The following RANBP17 variants were observed in gnomAD, a reference collection of about 807,000 sequenced individuals.
RANBP17 encodes the protein ran-binding protein 17.
In RANBP17, 158 loss-of-function variants were observed where a neutral mutation model predicts 141.2. The ratio of observed to expected loss-of-function variants is 1.12; its 90% CI spans 0.98 to 1.28. RANBP17 has a LOEUF of 1.28. Ranked by LOEUF, RANBP17 falls within the 50% of genes most tolerant of loss-of-function variation. The pLI is 0.00. For missense variants in RANBP17, 1,438 were observed against 1,290.7 expected (o/e 1.11, Z -1.75); for synonymous variants, 430 against 450.0 (o/e 0.96, Z 0.56).
intron 14 of RANBP17, among the ~76,000 whole-genome samples, chr5:171,007,671 CAA>C (rs1353086679): frequency 6.6e-6 from 1 of 151,998 alleles, no homozygotes; most frequent in Non-Finnish European, 1.5e-5. Flanking sequence ...CATTTTTCGA[CAA>C]AAATTATCTA....
intron 14 of RANBP17, among the ~76,000 whole-genome samples, chr5:171,079,612 A>G (rs755331898): frequency 2.0e-5 from 3 of 152,236 alleles, no homozygotes; most frequent in Non-Finnish European, 4.4e-5. Context: ...GTCAGAAGAC[A>G]CCAACATCGA....
chr5:171,009,590 CT>C lies in RANBP17; in HGVS notation c.1710+41215del, dbSNP rs771286189. On this transcript the variant is annotated intron_variant, in intron 14 of 27. Coordinates refer to ENST00000523189, the MANE Select transcript of RANBP17 (RefSeq NM_022897.5). ...AACTAGGTGATCTCCAAGTTCTTTT[CT>C]TATGATAAAATTTTCTACCTATAGG... Among the ~76,000 whole-genome samples, 13 of 152,202 alleles carry C rather than the reference CT, an allele frequency of 8.5e-5. 1 individual carries two copies. The highest frequency in any genetic ancestry group is 7.7e-4 in the East Asian group (4 of 5,180).
In RANBP17 at chr5:171,204,745, T is replaced by G. The variant is rs193072611; in HGVS notation, c.2143-779T>G. On this transcript the variant is annotated intron_variant, in intron 19 of 27. Transcript: ENST00000523189. ...CTTCTATTCAAGAGTCAAGTTTTTG[T>G]TTTTTTTCTCTAAAACTAAATACTT... 5.5e-3 allele frequency among the ~76,000 whole-genome samples: 838 copies of G among 152,066 alleles called. 13 individuals are homozygous for G. Among genetic ancestry groups the G allele is most frequent in the South Asian group, 0.039 (189 of 4,808 alleles).
At chr5:171,071,378 C>T (rs1397536750) in intron 14 of RANBP17, among the ~76,000 whole-genome samples, 1 of 151,792 alleles carries the variant, frequency 6.6e-6, no homozygotes, top group Non-Finnish European at 1.5e-5. Flanking sequence ...TGTGGAAAGG[C>T]AAGTGAACTA....
At chr5:171,200,401 A>C (rs1762232668) in intron 19 of RANBP17, among the ~76,000 whole-genome samples, 2 of 152,226 alleles carry the variant, frequency 1.3e-5, no homozygotes, top group African/African-American at 4.8e-5. Context: ...ATGTTTTATT[A>C]GTAAAATCCT....
intron 14 of RANBP17, among the ~76,000 whole-genome samples, chr5:171,099,387 G>T (rs1047782608): frequency 1.3e-5 from 2 of 152,108 alleles, no homozygotes; most frequent in Non-Finnish European, 2.9e-5. Flanking sequence ...TTGTGAATGG[G>T]AGTTTGCTCA....
intron 25 of RANBP17, among the ~76,000 whole-genome samples, chr5:171,291,084 C>T (rs946715772): frequency 1.3e-5 from 2 of 152,186 alleles, no homozygotes; most frequent in Non-Finnish European, 2.9e-5. Context: ...CTGGCTTTAC[C>T]ATACCACGTT....
chr5:170,984,221 T>C (rs1777961204), intron 14 of RANBP17, among the ~76,000 whole-genome samples: 1 of 152,158 alleles, frequency 6.6e-6, no homozygotes, highest in South Asian at 2.1e-4. Context: ...CTGACCAGTT[T>C]GTCATCCGGG....
chr5:171,050,875 A>C (rs887143213), intron 14 of RANBP17, among the ~76,000 whole-genome samples: 4 of 152,152 alleles, frequency 2.6e-5, no homozygotes, highest in African/African-American at 9.7e-5. Context: ...CTTTTATCTG[A>C]GAATGTCATT....
At chr5:171,137,614 GTGTGTGTGTGTC>G (rs1333878079) in intron 14 of RANBP17, among the ~76,000 whole-genome samples, 19 of 139,742 alleles carry the variant, frequency 1.4e-4, no homozygotes, top group African/African-American at 5.2e-4. Context: ...GTCTGTGTGT[GTGTGTGTGTGTC>G]TGTGTGTGTG....
At chr5:171,141,710 G>A (rs1315722900) in intron 14 of RANBP17, among the ~76,000 whole-genome samples, 1 of 151,612 alleles carries the variant, frequency 6.6e-6, no homozygotes, top group East Asian at 1.9e-4. Context: ...ATTAAGAGGA[G>A]GCTGAAATCA....
chr5:171,166,437 TTC>T (rs1554108847), intron 14 of RANBP17, among the ~76,000 whole-genome samples: 1 of 152,026 alleles, frequency 6.6e-6, no homozygotes, highest in East Asian at 1.9e-4. Flanking sequence ...TTTTTTTTTT[TTC>T]CTTTTCTTGC....
chr5:171,100,865 G>T (rs187543884), intron 14 of RANBP17, among the ~76,000 whole-genome samples: 6 of 152,328 alleles, frequency 3.9e-5, no homozygotes, highest in Non-Finnish European at 7.3e-5. Flanking sequence ...TTACCCAGTA[G>T]TCATTCAGGA....
At chr5:171,230,586 C>T (rs529934209) in intron 22 of RANBP17, among the ~76,000 whole-genome samples, 1 of 152,142 alleles carries the variant, frequency 6.6e-6, no homozygotes, top group East Asian at 1.9e-4. Context: ...CATGGCGAAA[C>T]CCCATCTCTA....
intron 20 of RANBP17, among the ~76,000 whole-genome samples, chr5:171,211,628 G>GTTA (rs1762895702): frequency 7.9e-6 from 1 of 126,138 alleles, no homozygotes; most frequent in African/African-American, 2.9e-5. Flanking sequence ...TGAGGGCAGG[G>GTTA]TTTTTTTTTT....
chr5:171,163,785 C>T (rs932113818), intron 14 of RANBP17, among the ~76,000 whole-genome samples: 3 of 152,074 alleles, frequency 2.0e-5, no homozygotes, highest in Non-Finnish European at 4.4e-5. Context: ...TTTTGTATTA[C>T]CTGATATGTT....
chr5:171,130,036 A>C (rs887217165), intron 14 of RANBP17, among the ~76,000 whole-genome samples: 4 of 152,218 alleles, frequency 2.6e-5, no homozygotes, highest in African/African-American at 9.7e-5. Flanking sequence ...TTAAAAGGAA[A>C]ATCAATCATG....
intron 14 of RANBP17, among the ~76,000 whole-genome samples, chr5:170,977,723 A>C: frequency 6.6e-6 from 1 of 152,174 alleles, no homozygotes; most frequent in East Asian, 1.9e-4. Context: ...CATTACGCTA[A>C]GTCAAATAAG....
At chr5:170,917,038 G>A (rs1310254253) in intron 9 of RANBP17, among the ~76,000 whole-genome samples, 1 of 152,156 alleles carries the variant, frequency 6.6e-6, no homozygotes, top group Non-Finnish European at 1.5e-5. Flanking sequence ...TTGTGGTGGA[G>A]ATGGGTAGTT....
Sources: allele counts gnomAD v4.1 joint callset (sites outside exome capture counted in the v4.1 genomes callset), GRCh38; gene constraint gnomAD v4.1.1; transcripts MANE v1.5; gene names NCBI Gene and HGNC (gene_info 2026-07-23, HGNC 2026-07-21).